The following CPQ variants were observed in gnomAD, a reference collection of about 807,000 sequenced individuals.
CPQ encodes Ser-Met dipeptidase.
Under a neutral mutation model 45.7 loss-of-function variants are expected in CPQ, and 37 were observed. The observed-to-expected ratio is 0.81, with a 90% CI of 0.62 to 1.07. The LOEUF is 1.07. CPQ is among the 50% of genes least tolerant of loss of function. CPQ has a pLI of 0.00. For missense variants in CPQ, 537 were observed against 572.9 expected (o/e 0.94, Z 0.64); for synonymous variants, 186 against 205.8 (o/e 0.90, Z 0.82).
At chr8:97,135,403 A>G (rs1178812421) in intron 7 of CPQ, among the ~76,000 whole-genome samples, 2 of 152,178 alleles carry the variant, frequency 1.3e-5, no homozygotes, top group Admixed American at 6.5e-5. Flanking sequence ...AATTTTCAAT[A>G]AGATTTAATA....
At chr8:96,873,577 T>C (rs1483194277) in intron 3 of CPQ, among the ~76,000 whole-genome samples, 1 of 151,732 alleles carries the variant, frequency 6.6e-6, no homozygotes, top group East Asian at 1.9e-4. Flanking sequence ...CAAATAAGCT[T>C]TTCTATTAAG....
intron 2 of CPQ, among the ~76,000 whole-genome samples, chr8:96,792,652 A>G (rs1205522907): frequency 2.0e-5 from 3 of 152,134 alleles, no homozygotes; most frequent in Non-Finnish European, 4.4e-5. Context: ...TATTCTCAAC[A>G]TCTAGCATCA....
intron 3 of CPQ, among the ~76,000 whole-genome samples, chr8:96,861,869 G>T (rs1215441418): frequency 6.6e-6 from 1 of 152,060 alleles, no homozygotes; most frequent in African/African-American, 2.4e-5. Flanking sequence ...AAATATTGTG[G>T]GCACTCAGGA....
intron 7 of CPQ, among the ~76,000 whole-genome samples, chr8:97,078,763 T>TTCTCTC (rs749278181): frequency 0.044 from 4,360 of 100,212 alleles, 175 homozygotes; most frequent in East Asian, 0.068. Context: ...TCATTTCCAT[T>TTCTCTC]TCTCTCTCTC....
chr8:96,899,427 C>T (rs1693796776), intron 4 of CPQ, among the ~76,000 whole-genome samples: 1 of 152,138 alleles, frequency 6.6e-6, no homozygotes, highest in Non-Finnish European at 1.5e-5. Flanking sequence ...TTAAGAAATA[C>T]ATCAGACTGT....
chr8:96,824,614 G>A (rs1031643231), intron 2 of CPQ, among the ~76,000 whole-genome samples: 4 of 151,418 alleles, frequency 2.6e-5, no homozygotes, highest in East Asian at 1.9e-4. Flanking sequence ...AATATGGCTC[G>A]GGGATTACAA....
intron 4 of CPQ, among the ~76,000 whole-genome samples, chr8:96,923,810 A>G (rs1245994808): frequency 2.0e-5 from 3 of 151,974 alleles, no homozygotes; most frequent in South Asian, 2.1e-4. Context: ...GGAAAGGGGG[A>G]AAAAAAACAA....
intron 1 of CPQ, among the ~76,000 whole-genome samples, chr8:96,773,069 C>T (rs1810566275): frequency 1.3e-5 from 2 of 152,178 alleles, no homozygotes; most frequent in African/African-American, 4.8e-5. Flanking sequence ...TGTTTACTCC[C>T]TTTATAAAAG....
intron 4 of CPQ, among the ~76,000 whole-genome samples, chr8:96,902,286 T>A (rs1563524717): frequency 6.6e-6 from 1 of 152,220 alleles, no homozygotes; most frequent in South Asian, 2.1e-4. Context: ...TTGTGAAGAA[T>A]GTGCCAATAT....
intron 1 of CPQ, among the ~76,000 whole-genome samples, chr8:96,666,603 A>G (rs942777701): frequency 2.0e-5 from 3 of 152,208 alleles, no homozygotes; most frequent in Admixed American, 6.5e-5. Context: ...TATGCTGGTA[A>G]ATCAAAAACT....
chr8:96,812,660 C>G (rs763956454), intron 2 of CPQ, among the ~76,000 whole-genome samples: 1 of 152,014 alleles, frequency 6.6e-6, no homozygotes, highest in Non-Finnish European at 1.5e-5. Flanking sequence ...TAGATAAGAA[C>G]ATCTTTGGCA....
In CPQ at chr8:96,832,026, G is replaced by C. The variant is rs540536725; in HGVS notation, c.434-2947G>C. ...TCTGTCACTGTAGAAAGTTCTCTTA[G>C]TGTTAGTTATTTTATATGTTTCTGA... On this transcript the variant is annotated intron_variant, in intron 2 of 7. Transcript: ENST00000220763. Among the ~76,000 whole-genome samples the C allele has an allele frequency of 5.3e-5, 8 of 152,204 alleles. No homozygotes were observed. In the East Asian group the frequency reaches 9.7e-4, roughly 18 times the overall value.
chr8:96,901,230 T>C (rs1431611017), intron 4 of CPQ, among the ~76,000 whole-genome samples: 1 of 152,204 alleles, frequency 6.6e-6, no homozygotes, highest in Non-Finnish European at 1.5e-5. Flanking sequence ...GTGACAACTC[T>C]GACAAGCCAT....
At chr8:96,900,784 T>G (rs1812503455) in intron 4 of CPQ, among the ~76,000 whole-genome samples, 1 of 152,114 alleles carries the variant, frequency 6.6e-6, no homozygotes, top group African/African-American at 2.4e-5. Context: ...CTCCATGAGG[T>G]CCTGACTGAC....
chr8:97,080,141 C>A (rs934121814), intron 7 of CPQ, among the ~76,000 whole-genome samples: 3 of 152,170 alleles, frequency 2.0e-5, no homozygotes, highest in African/African-American at 7.2e-5. Context: ...AGAAAAGTTG[C>A]ATTTTCTTCG....
intron 7 of CPQ, among the ~76,000 whole-genome samples, chr8:97,078,283 A>C (rs1367510710): frequency 6.6e-6 from 1 of 152,146 alleles, no homozygotes; most frequent in Non-Finnish European, 1.5e-5. Context: ...GAAATCAGCT[A>C]TCTCTTCAAA....
chr8:96,658,770 G>A (rs1007353308), intron 1 of CPQ, among the ~76,000 whole-genome samples: 2 of 152,130 alleles, frequency 1.3e-5, no homozygotes, highest in Non-Finnish European at 2.9e-5. Flanking sequence ...GGAGGAAGGG[G>A]GCCATGAGCC....
chr8:96,792,849 T>C (rs1281874776), intron 2 of CPQ, among the ~76,000 whole-genome samples: 1 of 152,032 alleles, frequency 6.6e-6, no homozygotes, highest in Non-Finnish European at 1.5e-5. Flanking sequence ...ACGAAAGAGG[T>C]TTAATTGAAT....
intron 1 of CPQ, among the ~76,000 whole-genome samples, chr8:96,651,451 G>A (rs1815575284): frequency 1.3e-5 from 2 of 152,198 alleles, no homozygotes; most frequent in South Asian, 4.1e-4. Context: ...TCTTTGTAAG[G>A]AAGAAGAGGT....
Sources: allele counts gnomAD v4.1 joint callset (sites outside exome capture counted in the v4.1 genomes callset), GRCh38; gene constraint gnomAD v4.1.1; transcripts MANE v1.5; gene names NCBI Gene and HGNC (gene_info 2026-07-23, HGNC 2026-07-21).